Variants in MTAP observed in about 807,000 individuals in gnomAD.
The protein encoded by MTAP is S-methyl-5'-thioadenosine phosphorylase.
A neutral mutation model predicts 33.6 loss-of-function variants in MTAP; 33 were observed. That is an observed-to-expected ratio of 0.98 (90% CI 0.74 to 1.31). The LOEUF (loss-of-function observed/expected upper bound fraction) is 1.31. MTAP is among the 40% of genes most tolerant of loss of function. The pLI is 0.00. For synonymous variants in MTAP, 148 were observed against 125.7 expected (o/e 1.18, Z -1.19); for missense variants, 367 against 360.0 (o/e 1.02, Z -0.16).
Position 21,864,414 on chromosome 9 carries a change from G to A in MTAP, c.*2400G>A. ...ACCATGGTCAGTTGTGAGCATTTTG[G>A]TTTCCGCAAAGGATGGATGGTGAGC... On this transcript the variant is annotated 3_prime_UTR_variant, in exon 8 of 8. Coordinates refer to ENST00000644715, the MANE Select transcript of MTAP (RefSeq NM_002451.4). 2.0e-6 allele frequency: 2 copies of A among 985,142 alleles called. No homozygotes were observed. The highest frequency in any genetic ancestry group is 2.4e-6 in the Non-Finnish European group (2 of 829,904). 61.0% of individuals were successfully genotyped at this position (985,142 alleles called of 1,614,324 possible).
chr9:21,928,899 C>T (rs1818909776), intron 1 of MTAP, among the ~76,000 whole-genome samples: 1 of 151,516 alleles, frequency 6.6e-6, no homozygotes, highest in Non-Finnish European at 1.5e-5. Flanking sequence ...GATGAAGAAA[C>T]TGCCAAAATC....
chr9:21,918,684 TTTCTCGTGCTG>T (rs1818735094), intron 1 of MTAP, among the ~76,000 whole-genome samples: 1 of 152,206 alleles, frequency 6.6e-6, no homozygotes, highest in Admixed American at 6.5e-5. Context: ...GAGGTGGGTC[TTTCTCGTGCTG>T]TTCTCGTGAT....
chr9:21,838,402 T>A (rs928287630), intron 5 of MTAP, among the ~76,000 whole-genome samples: 8 of 152,262 alleles, frequency 5.3e-5, no homozygotes, highest in Non-Finnish European at 1.2e-4. Context: ...GGGTTTCAGT[T>A]ATCTTACTTC....
At chr9:21,824,413 G>A (rs537358994) in intron 4 of MTAP, among the ~76,000 whole-genome samples, 6 of 152,282 alleles carry the variant, frequency 3.9e-5, no homozygotes, top group South Asian at 4.1e-4. Flanking sequence ...GCTGCAGAAC[G>A]GCGAATGTTG....
chr9:21,813,176 G>T (rs994197416), intron 1 of MTAP, among the ~76,000 whole-genome samples: 14 of 152,202 alleles, frequency 9.2e-5, no homozygotes, highest in Non-Finnish European at 2.1e-4. Flanking sequence ...TGGCGACATT[G>T]GCCACATCTT....
intron 1 of MTAP, among the ~76,000 whole-genome samples, chr9:21,874,199 G>A (rs1385434982): frequency 6.6e-6 from 1 of 152,112 alleles, no homozygotes; most frequent in Non-Finnish European, 1.5e-5. Context: ...CTGCCACCCG[G>A]CTTCAAGAAT....
intron 1 of MTAP, among the ~76,000 whole-genome samples, chr9:21,903,737 T>C (rs1006818365): frequency 9.2e-5 from 14 of 152,182 alleles, no homozygotes; most frequent in African/African-American, 3.4e-4. Context: ...GGCTCGCTGC[T>C]GCTCAAACCT....
chr9:21,859,213 G>A, intron 6 of MTAP, 90 bp from the exon 7 acceptor site: 1 of 1,509,180 alleles, frequency 6.6e-7, no homozygotes, highest in East Asian at 2.3e-5. Flanking sequence ...AAACATTTAG[G>A]CTGTAGCAAG....
At chr9:21,812,794 G>A (rs1217851306) in intron 1 of MTAP, among the ~76,000 whole-genome samples, 1 of 152,200 alleles carries the variant, frequency 6.6e-6, no homozygotes, top group Non-Finnish European at 1.5e-5. Context: ...ATGTTATGGA[G>A]GACTCCAGGG....
intron 5 of MTAP, among the ~76,000 whole-genome samples, chr9:21,852,826 A>G (rs1419866828): frequency 6.6e-6 from 1 of 152,124 alleles, no homozygotes; most frequent in Non-Finnish European, 1.5e-5. Flanking sequence ...TGTTACTTCT[A>G]TTCATTTTAG....
chr9:21,880,487 T>G (rs1817988454), intron 1 of MTAP, among the ~76,000 whole-genome samples: 2 of 152,132 alleles, frequency 1.3e-5, no homozygotes, highest in Non-Finnish European at 1.5e-5. Flanking sequence ...CATAATCTTA[T>G]ACAGTATTTA....
chr9:21,907,385 C>T (rs1171448088), intron 1 of MTAP, among the ~76,000 whole-genome samples: 3 of 152,138 alleles, frequency 2.0e-5, no homozygotes, highest in Non-Finnish European at 4.4e-5. Flanking sequence ...GGCAACAACC[C>T]ATCTCTACAA....
At chr9:21,911,878 C>G (rs1818583631) in intron 1 of MTAP, among the ~76,000 whole-genome samples, 1 of 151,958 alleles carries the variant, frequency 6.6e-6, no homozygotes, top group African/African-American at 2.4e-5. Flanking sequence ...ATTGATGGAC[C>G]ACTAGCAAGA....
chr9:21,873,858 A>G (rs901888139), intron 1 of MTAP, among the ~76,000 whole-genome samples: 2 of 152,182 alleles, frequency 1.3e-5, no homozygotes, highest in Non-Finnish European at 2.9e-5. Context: ...TTCAGTGTAT[A>G]AGTGAAAAAA....
chr9:21,812,663 TTCAC>T (rs1358817009), intron 1 of MTAP, among the ~76,000 whole-genome samples: 22 of 152,352 alleles, frequency 1.4e-4, no homozygotes, highest in Non-Finnish European at 1.6e-4. Context: ...TCTGAGATGA[TTCAC>T]TCAGATACCT....
chr9:21,905,361 G>T (rs1563865765), intron 1 of MTAP, among the ~76,000 whole-genome samples: 1 of 152,160 alleles, frequency 6.6e-6, no homozygotes, highest in Non-Finnish European at 1.5e-5. Flanking sequence ...ACAGGATGGG[G>T]GGCGTGGCAT....
chr9:21,924,139 G>A (rs1199813657), intron 1 of MTAP, among the ~76,000 whole-genome samples: 2 of 152,210 alleles, frequency 1.3e-5, no homozygotes, highest in Non-Finnish European at 1.5e-5. Context: ...TGGGTACCCA[G>A]TAAGACAGGT....
At chr9:21,813,238 C>T (rs1423991614) in intron 1 of MTAP, among the ~76,000 whole-genome samples, 1 of 152,324 alleles carries the variant, frequency 6.6e-6, no homozygotes, top group East Asian at 1.9e-4. Flanking sequence ...TGGCGGGACT[C>T]AGTTGCTACA....
intron 5 of MTAP, among the ~76,000 whole-genome samples, chr9:21,851,349 A>G (rs1825507393): frequency 6.6e-6 from 1 of 152,230 alleles, no homozygotes; most frequent in Admixed American, 6.5e-5. Context: ...CTTTTGTTAA[A>G]AACATGTTTG....
Sources: allele counts gnomAD v4.1 joint callset (sites outside exome capture counted in the v4.1 genomes callset), GRCh38; gene constraint gnomAD v4.1.1; transcripts MANE v1.5; gene names NCBI Gene and HGNC (gene_info 2026-07-23, HGNC 2026-07-21).